The following NOP58 variants were observed in gnomAD, a reference collection of about 807,000 sequenced individuals.
The protein encoded by NOP58 is nucleolar protein 58.
NOP58 carries 44 observed loss-of-function variants against 71.2 expected under a neutral mutation model. That is an observed-to-expected ratio of 0.62 (90% CI 0.49 to 0.79). The LOEUF is 0.79. Ranked by LOEUF, NOP58 falls within the 30% of genes least tolerant of loss-of-function variation. The pLI, the probability that NOP58 is intolerant of heterozygous loss-of-function variation, is 0.00. For missense variants in NOP58, 538 were observed against 620.2 expected (o/e 0.87, Z 1.41); for synonymous variants, 228 against 200.3 (o/e 1.14, Z -1.17).
intron 13 of NOP58, among the ~76,000 whole-genome samples, chr2:202,300,880 T>G (rs1423173342): frequency 1.3e-5 from 2 of 152,196 alleles, no homozygotes; most frequent in African/African-American, 4.8e-5. Flanking sequence ...TAGTTACACC[T>G]GGGTTTATTG....
rs757441484 is a variant in NOP58 at position 202,303,079 on chromosome 2, G to C, written c.1539+22G>C. 4 of 1,602,790 alleles carry C rather than the reference G, an allele frequency of 2.5e-6. No individual in the cohort carries two copies. In the East Asian group the frequency reaches 8.9e-5, roughly 36 times the overall value. Reference sequence around the variant, plus strand: ...TGCTGTATGTTTGTTTTTAATTATCGGTTTTCACTTGGAGGGGCCAGTTCT... The same window carrying C: ...TGCTGTATGTTTGTTTTTAATTATCCGTTTTCACTTGGAGGGGCCAGTTCT... On this transcript the variant is annotated intron_variant, in intron 14 of 14. Coordinates refer to ENST00000264279, the MANE Select transcript of NOP58 (RefSeq NM_015934.5).
intron 2 of NOP58, among the ~76,000 whole-genome samples, chr2:202,277,186 C>CTGAGGCAGGAGAATGGCA (rs1309929420): frequency 2.0e-5 from 3 of 152,004 alleles, no homozygotes; most frequent in Non-Finnish European, 4.4e-5. Flanking sequence ...ACTTGGGAGG[C>CTGAGGCAGGAGAATGGCA]TGAGGCAGGA....
At chr2:202,296,298 C>T (rs76664732) in intron 10 of NOP58, among the ~76,000 whole-genome samples, 15,850 of 151,986 alleles carry the variant, frequency 0.1, 1,005 homozygotes, top group South Asian at 0.24. Context: ...CTGGTTCAAA[C>T]GATTCTCCTG....
intron 14 of NOP58, 88 bp downstream of exon 14, chr2:202,303,145 A>G: frequency 6.8e-7 from 1 of 1,467,920 alleles, no homozygotes; most frequent in Non-Finnish European, 9.2e-7. Flanking sequence ...ATGAGCAGGC[A>G]TTTTAAAAAA....
At chr2:202,288,747 G>A (rs1178703421) in intron 6 of NOP58, among the ~76,000 whole-genome samples, 2 of 151,890 alleles carry the variant, frequency 1.3e-5, no homozygotes, top group African/African-American at 4.8e-5. Context: ...CCTGAGAGGC[G>A]GAGGTTGCAG....
intron 1 of NOP58, among the ~76,000 whole-genome samples, chr2:202,269,870 C>T (rs955569483): frequency 6.6e-6 from 1 of 152,192 alleles, no homozygotes; most frequent in Non-Finnish European, 1.5e-5. Flanking sequence ...GCCATTAGTA[C>T]GTATAACCAT....
chr2:202,266,533 C>T (rs1422218743), intron 1 of NOP58, among the ~76,000 whole-genome samples: 2 of 152,100 alleles, frequency 1.3e-5, no homozygotes, highest in African/African-American at 2.4e-5. Context: ...CCAGGCTGGT[C>T]TTGAACTCCT....
chr2:202,280,222 C>T (rs796653498), intron 3 of NOP58, among the ~76,000 whole-genome samples: 97 of 152,192 alleles, frequency 6.4e-4, no homozygotes, highest in African/African-American at 2.2e-3. Flanking sequence ...TTGATGAGAC[C>T]AGGCACAGTG....
chr2:202,288,046 G>A (rs1394875972), intron 6 of NOP58, among the ~76,000 whole-genome samples: 9 of 151,914 alleles, frequency 5.9e-5, no homozygotes, highest in South Asian at 2.1e-4. Context: ...CCCAGGAGGC[G>A]GAGGTTGACT....
chr2:202,269,171 T>G (rs1688474123), intron 1 of NOP58, among the ~76,000 whole-genome samples: 1 of 151,440 alleles, frequency 6.6e-6, no homozygotes, highest in Non-Finnish European at 1.5e-5. Context: ...TTATTTGTAT[T>G]TGTATTTATT....
chr2:202,286,514 C>CAA (rs1024385764), intron 5 of NOP58, among the ~76,000 whole-genome samples: 1 of 151,772 alleles, frequency 6.6e-6, no homozygotes, highest in Non-Finnish European at 1.5e-5. Flanking sequence ...CAAAACAAAA[C>CAA]AAAAAAGAAA....
chr2:202,273,665 G>A (rs1688544238), intron 1 of NOP58, among the ~76,000 whole-genome samples: 1 of 152,152 alleles, frequency 6.6e-6, no homozygotes, highest in Non-Finnish European at 1.5e-5. Flanking sequence ...CAAGGCGGCT[G>A]GGTGTGTTGG....
chr2:202,288,255 C>T (rs1424488710), intron 6 of NOP58, among the ~76,000 whole-genome samples: 1 of 152,020 alleles, frequency 6.6e-6, no homozygotes, highest in African/African-American at 2.4e-5. Context: ...GAGGCTGAGG[C>T]GGGAGGATCA....
Position 202,303,554 on chromosome 2 carries a change from TATC to T in NOP58, c.*122_*124del. On this transcript the variant is annotated 3_prime_UTR_variant, in exon 15 of 15. Transcript: ENST00000264279. ...GAAGGTTCAGTAAGACAAAGTGATT[TATC>T]ATCTATAACTTCAAACCTATTTGTC... 7.6e-7 allele frequency: 1 copy of T among 1,318,364 alleles called. No homozygotes were observed. The highest frequency in any genetic ancestry group is 1.8e-5 in the South Asian group (1 of 55,974). The allele number at this position is 1,318,364 out of a possible 1,614,324, so 81.7% of individuals were successfully genotyped here.
At chr2:202,278,582 C>T (rs532401878) in intron 3 of NOP58, among the ~76,000 whole-genome samples, 2 of 152,222 alleles carry the variant, frequency 1.3e-5, no homozygotes, top group South Asian at 2.1e-4. Flanking sequence ...ACAGAGTGAT[C>T]GGGTTTATTT....
intron 13 of NOP58, among the ~76,000 whole-genome samples, chr2:202,302,415 ATGTG>A (rs1334619077): frequency 6.6e-6 from 1 of 152,120 alleles, no homozygotes; most frequent in Non-Finnish European, 1.5e-5. Flanking sequence ...AATGATAGCT[ATGTG>A]TTGAGTCCTT....
intron 9 of NOP58, among the ~76,000 whole-genome samples, chr2:202,294,837 G>A (rs1366161116): frequency 4.6e-5 from 7 of 151,862 alleles, no homozygotes; most frequent in Admixed American, 1.3e-4. Flanking sequence ...TGTAGTGGTG[G>A]GTGCCTGTAA....
At chr2:202,288,330 C>A (rs1180748694) in intron 6 of NOP58, among the ~76,000 whole-genome samples, 2 of 149,958 alleles carry the variant, frequency 1.3e-5, no homozygotes, top group African/African-American at 4.9e-5. Context: ...ACTAAAAATA[C>A]AAAATTAACC....
At position 202,292,532 on chromosome 2, in the gene NOP58, A is replaced by G. The variant is rs536252190; in HGVS notation, c.781-245A>G. Among the ~76,000 whole-genome samples, 109 of 151,894 alleles carry G rather than the reference A, an allele frequency of 7.2e-4. 6 individuals carry two copies. Among genetic ancestry groups the G allele is most frequent in the South Asian group, 2.1e-4 (1 of 4,792 alleles). Reference sequence around the variant, plus strand: ...GGGCCCCTGTAGTCCCAGCTACTCCAGAGGCTGAGGCAGGAGAATCACTTG... The same window carrying G: ...GGGCCCCTGTAGTCCCAGCTACTCCGGAGGCTGAGGCAGGAGAATCACTTG... On this transcript the variant is annotated intron_variant, in intron 8 of 14. Coordinates refer to ENST00000264279, the MANE Select transcript of NOP58 (RefSeq NM_015934.5).
Sources: gnomAD v4.1 joint callset for allele counts (sites outside exome capture counted in the v4.1 genomes callset) on GRCh38, gnomAD v4.1.1 for gene constraint, MANE v1.5 for transcripts, NCBI Gene and HGNC (gene_info 2026-07-23, HGNC 2026-07-21) for gene names.